The following EPC2 variants were observed in gnomAD, a reference collection of about 807,000 sequenced individuals.
EPC2 encodes enhancer of polycomb homolog 2.
In EPC2, 14 loss-of-function variants were observed where a neutral mutation model predicts 92.1. The ratio of observed to expected loss-of-function variants is 0.15; its 90% CI spans 0.10 to 0.24. EPC2 has a LOEUF of 0.24. EPC2 is among the 10% of genes least tolerant of loss of function. The pLI is 1.00. For synonymous variants in EPC2, 340 were observed against 334.7 expected, an observed-to-expected ratio of 1.02 and a Z score of -0.17; for missense variants, 755 against 971.5, an observed-to-expected ratio of 0.78 and a Z score of 2.96.
intron 3 of EPC2, among the ~76,000 whole-genome samples, chr2:148,745,928 T>C (rs75021870): frequency 0.026 from 3,929 of 152,198 alleles, 58 homozygotes; most frequent in East Asian, 0.032. Flanking sequence ...AAAACTCCTG[T>C]TGTCAAATGC....
At position 148,651,466 on chromosome 2, in the gene EPC2, G is replaced by C. The variant is rs1053691417; in HGVS notation, c.153+6296G>C. Among the ~76,000 whole-genome samples the C allele has an allele frequency of 5.9e-5, 9 of 152,252 alleles. No individual in the cohort carries two copies. The East Asian group carries it at 1.7e-3, about 29-fold the overall frequency. ...TAGAAGCACTCAGTAAATATTTGGT[G>C]AATGAAGGAGTAAAAATAGGGGTGG... On this transcript the variant is annotated intron_variant, in intron 1 of 13. Transcript: ENST00000258484.
intron 2 of EPC2, among the ~76,000 whole-genome samples, chr2:148,718,046 A>G (rs1285563674): frequency 6.6e-6 from 1 of 152,184 alleles, no homozygotes; most frequent in Non-Finnish European, 1.5e-5. Flanking sequence ...CTGTTTTATC[A>G]GAAACTAGGA....
chr2:148,727,478 T>C (rs184706865), intron 2 of EPC2, among the ~76,000 whole-genome samples: 2 of 152,366 alleles, frequency 1.3e-5, no homozygotes, highest in African/African-American at 4.8e-5. Flanking sequence ...ATTTAACTTT[T>C]CAAGTTCCTT....
chr2:148,701,527 T>C (rs1681887483), intron 2 of EPC2, among the ~76,000 whole-genome samples: 1 of 152,252 alleles, frequency 6.6e-6, no homozygotes, highest in South Asian at 2.1e-4. Flanking sequence ...GTGATTTTTC[T>C]TCTTTAGTCG....
chr2:148,704,264 C>A (rs906387239), intron 2 of EPC2, among the ~76,000 whole-genome samples: 1 of 152,114 alleles, frequency 6.6e-6, no homozygotes, highest in African/African-American at 2.4e-5. Context: ...AAACCTGAGA[C>A]ATTGGCCAAG....
At chr2:148,715,119 C>T (rs1163012029) in intron 2 of EPC2, among the ~76,000 whole-genome samples, 5 of 150,122 alleles carry the variant, frequency 3.3e-5, no homozygotes, top group African/African-American at 9.8e-5. Flanking sequence ...CTGCAAGCTC[C>T]GCCTCCCAGG....
chr2:148,666,583 CTCTG>C (rs1413853736), intron 1 of EPC2, among the ~76,000 whole-genome samples: 3 of 152,208 alleles, frequency 2.0e-5, no homozygotes, highest in Admixed American at 6.5e-5. Flanking sequence ...GATAAAATTA[CTCTG>C]TCTGATTGCT....
chr2:148,719,699 G>T (rs149478685), intron 2 of EPC2, among the ~76,000 whole-genome samples: 67 of 152,376 alleles, frequency 4.4e-4, no homozygotes, highest in African/African-American at 1.4e-3. Context: ...GTTTCACCCA[G>T]TTAGGAGGAA....
chr2:148,694,100 C>T (rs1681696139), intron 2 of EPC2, among the ~76,000 whole-genome samples: 1 of 152,186 alleles, frequency 6.6e-6, no homozygotes, highest in Non-Finnish European at 1.5e-5. Flanking sequence ...AAAGCATATA[C>T]TCCATGGCAT....
At chr2:148,678,653 C>T (rs1160804963) in intron 1 of EPC2, among the ~76,000 whole-genome samples, 1 of 152,250 alleles carries the variant, frequency 6.6e-6, no homozygotes, top group African/African-American at 2.4e-5. Context: ...GGTGCTAAGC[C>T]CCTCATTGCC....
At chr2:148,715,528 G>A (rs1256508234) in intron 2 of EPC2, among the ~76,000 whole-genome samples, 1 of 152,034 alleles carries the variant, frequency 6.6e-6, no homozygotes, top group Non-Finnish European at 1.5e-5. Flanking sequence ...GAGGTCAGGT[G>A]GTTGTATGTA....
At chr2:148,663,194 G>GTATTAT (rs56337513) in intron 1 of EPC2, among the ~76,000 whole-genome samples, 31,009 of 135,888 alleles carry the variant, frequency 0.23, 3,753 homozygotes, top group Non-Finnish European at 0.25. Flanking sequence ...CTGTGTTTTT[G>GTATTAT]TATTATTATT....
intron 1 of EPC2, among the ~76,000 whole-genome samples, chr2:148,651,900 C>T (rs1363750351): frequency 3.9e-5 from 6 of 152,124 alleles, no homozygotes; most frequent in Non-Finnish European, 7.4e-5. Flanking sequence ...TAAGATCATC[C>T]GTCTAAAAAA....
At chr2:148,700,964 C>G (rs1334458496) in intron 2 of EPC2, among the ~76,000 whole-genome samples, 1 of 152,014 alleles carries the variant, frequency 6.6e-6, no homozygotes, top group African/African-American at 2.4e-5. Context: ...TGCGATTTTC[C>G]TCATATAGAT....
intron 1 of EPC2, among the ~76,000 whole-genome samples, chr2:148,658,607 G>GTGTGTA (rs1168257662): frequency 1.6e-4 from 22 of 141,322 alleles, no homozygotes; most frequent in East Asian, 6.6e-4. Context: ...GTGTGTGTGT[G>GTGTGTA]TATATATATA....
Position 148,761,871 on chromosome 2 carries a change from G to A in EPC2, c.756G>A (p.Lys252=), listed in dbSNP as rs1488610219. 3 of 1,595,762 alleles carry A rather than the reference G, an allele frequency of 1.9e-6. No individual in the cohort carries two copies. The highest frequency in any genetic ancestry group is 2.6e-6 in the Non-Finnish European group (3 of 1,173,624). Residue 252 remains lysine, a synonymous_variant, in exon 5 of 14, where the codon AAG becomes AAA. Transcript: ENST00000258484. ...SRAITILEMI[K]RREKTKRELL... ...CCATAACAATTTTGGAAATGATTAA[G>A]AGAAGAGAGAAAACAAAACGAGAAT...
At chr2:148,670,603 T>C (rs1021834128) in intron 1 of EPC2, among the ~76,000 whole-genome samples, 1 of 152,184 alleles carries the variant, frequency 6.6e-6, no homozygotes, top group Admixed American at 6.5e-5. Flanking sequence ...GATTTTAATT[T>C]TTTATTTTTT....
intron 1 of EPC2, among the ~76,000 whole-genome samples, chr2:148,647,182 A>C (rs1683821046): frequency 6.6e-6 from 1 of 152,216 alleles, no homozygotes; most frequent in South Asian, 2.1e-4. Flanking sequence ...TACTTTTTGC[A>C]ATCACCAACA....
At chr2:148,647,696 G>A (rs905731938) in intron 1 of EPC2, among the ~76,000 whole-genome samples, 1 of 136,150 alleles carries the variant, frequency 7.3e-6, no homozygotes, top group Admixed American at 8.4e-5. Flanking sequence ...GCAGTGGCGC[G>A]ATCTCAGCTC....
Sources: allele counts gnomAD v4.1 joint callset (sites outside exome capture counted in the v4.1 genomes callset), GRCh38; gene constraint gnomAD v4.1.1; transcripts MANE v1.5; gene names NCBI Gene and HGNC (gene_info 2026-07-23, HGNC 2026-07-21).